Variants in BACH2 observed in about 807,000 individuals in gnomAD.
BACH2 encodes transcription regulator protein BACH2.
A neutral mutation model predicts 61.8 loss-of-function variants in BACH2; 5 were observed. The observed-to-expected ratio is 0.08, with a 90% CI of 0.04 to 0.17. BACH2 has a LOEUF of 0.17. Ranked by LOEUF, BACH2 falls within the 10% of genes least tolerant of loss-of-function variation. The probability of loss-of-function intolerance (pLI) is 1.00; values close to 1 mark genes in which losing one functional copy is unlikely to be tolerated. For synonymous variants in BACH2, 446 were observed against 440.1 expected, an observed-to-expected ratio of 1.01 and a Z score of -0.17; for missense variants, 824 against 1,091.1, an observed-to-expected ratio of 0.76 and a Z score of 3.45.
rs1776757598 is a variant in BACH2 at position 89,994,757 on chromosome 6, AC to A, written c.243+13844del. ...GATCTTCCTTCCCTTTCATCCACCT[AC>A]CCATTCAAATAACCCTTTCTTCATT... On this transcript the variant is annotated intron_variant, in intron 6 of 8. Transcript: ENST00000257749. Among the ~76,000 whole-genome samples, 6 of 152,272 alleles carry A rather than the reference AC, an allele frequency of 3.9e-5. No individual in the cohort carries two copies. In the South Asian group the frequency reaches 1.2e-3, roughly 32 times the overall value.
At chr6:89,963,085 T>C (rs1021661693) in intron 6 of BACH2, among the ~76,000 whole-genome samples, 2 of 152,176 alleles carry the variant, frequency 1.3e-5, no homozygotes, top group Non-Finnish European at 2.9e-5. Context: ...AGGACTTGAA[T>C]AGACGTTTCT....
At chr6:90,030,062 T>A (rs1390045380) in intron 5 of BACH2, among the ~76,000 whole-genome samples, 1 of 152,214 alleles carries the variant, frequency 6.6e-6, no homozygotes, top group Non-Finnish European at 1.5e-5. Context: ...ACATTGCCCA[T>A]TGGCTCTATA....
rs1272219316 is a variant in BACH2, at chr6:89,938,356, A to G, written c.1837-6T>C. ...ACAGGAAAAGGAAGTTTTACCTGAA[A>G]CCAAGAATAACAGAAAATGATTATG... On this transcript the variant is annotated splice_polypyrimidine_tract_variant and splice_region_variant and intron_variant, in intron 7 of 8. Transcript: ENST00000257749. The G allele has an allele frequency of 1.2e-6, 2 of 1,606,124 alleles. No individual in the cohort carries two copies. The highest frequency in any genetic ancestry group is 1.7e-6 in the Non-Finnish European group (2 of 1,173,206).
intron 3 of BACH2, among the ~76,000 whole-genome samples, chr6:90,220,572 T>G (rs924271772): frequency 2.6e-5 from 4 of 152,218 alleles, no homozygotes; most frequent in Non-Finnish European, 4.4e-5. Context: ...TTCCATGATC[T>G]GAAATAGGTG....
intron 1 of BACH2, 62 bp downstream of exon 1, chr6:90,296,418 C>G (rs914935151): frequency 2.7e-5 from 4 of 150,840 alleles, no homozygotes; most frequent in African/African-American, 7.3e-5. Context: ...CCGCTCCCCC[C>G]GCAAACTTGC....
At chr6:89,991,573 A>G (rs756346072) in intron 6 of BACH2, among the ~76,000 whole-genome samples, 11 of 152,212 alleles carry the variant, frequency 7.2e-5, no homozygotes, top group South Asian at 2.1e-4. Context: ...ACTTCTGCAT[A>G]TATCTCCTGA....
At chr6:90,189,346 C>T (rs557230979) in intron 4 of BACH2, among the ~76,000 whole-genome samples, 14 of 151,484 alleles carry the variant, frequency 9.2e-5, no homozygotes, top group South Asian at 6.3e-4. Context: ...CGGTGGCTCA[C>T]GCCTGTAATC....
chr6:90,138,589 TA>T (rs574488870), intron 4 of BACH2, among the ~76,000 whole-genome samples: 25 of 149,326 alleles, frequency 1.7e-4, no homozygotes, highest in East Asian at 1.2e-3. Context: ...GTCTTCTCCT[TA>T]AAAAAAAAAT....
chr6:90,103,081 A>G (rs1782748421), intron 4 of BACH2, among the ~76,000 whole-genome samples: 1 of 133,506 alleles, frequency 7.5e-6, no homozygotes, highest in African/African-American at 2.9e-5. Context: ...CAGGTTCAAA[A>G]ACTGATTTCT....
At chr6:90,222,006 CAAATAA>C (rs1263530526) in intron 3 of BACH2, among the ~76,000 whole-genome samples, 3 of 151,996 alleles carry the variant, frequency 2.0e-5, no homozygotes, top group South Asian at 2.1e-4. Flanking sequence ...CCACATTAAA[CAAATAA>C]AAAGAGAGAA....
At chr6:90,061,763 A>G (rs993310822) in intron 5 of BACH2, among the ~76,000 whole-genome samples, 4 of 152,272 alleles carry the variant, frequency 2.6e-5, no homozygotes, top group South Asian at 4.1e-4. Context: ...GGTTCCAGGA[A>G]GAAGGGAGTG....
At chr6:90,123,270 A>G (rs1373029644) in intron 4 of BACH2, among the ~76,000 whole-genome samples, 1 of 152,192 alleles carries the variant, frequency 6.6e-6, no homozygotes, top group African/African-American at 2.4e-5. Flanking sequence ...GCTGAGGAAC[A>G]CCTGGAGCCT....
chr6:90,092,315 TAC>T (rs1554244355), intron 4 of BACH2, among the ~76,000 whole-genome samples: 4 of 112,456 alleles, frequency 3.6e-5, no homozygotes, highest in African/African-American at 3.6e-5. Context: ...TATATATATA[TAC>T]ACACACACAC....
chr6:90,295,071 C>T (rs2127895779), intron 1 of BACH2, among the ~76,000 whole-genome samples: 1 of 152,294 alleles, frequency 6.6e-6, no homozygotes, highest in African/African-American at 2.4e-5. Flanking sequence ...AGGTGAAAAC[C>T]AGGAACGCCG....
chr6:90,174,894 T>G (rs565991646), intron 4 of BACH2, among the ~76,000 whole-genome samples: 9 of 151,328 alleles, frequency 5.9e-5, no homozygotes, highest in East Asian at 3.9e-4. Context: ...AAATTATATG[T>G]GGTACATATG....
intron 4 of BACH2, among the ~76,000 whole-genome samples, chr6:90,185,125 G>A (rs569301894): frequency 6.6e-6 from 1 of 152,290 alleles, no homozygotes; most frequent in East Asian, 1.9e-4. Context: ...TATGCATAGA[G>A]CCTGATAAGT....
At chr6:90,252,103 G>A (rs1203946288) in intron 3 of BACH2, among the ~76,000 whole-genome samples, 5 of 152,222 alleles carry the variant, frequency 3.3e-5, no homozygotes, top group African/African-American at 1.2e-4. Context: ...GGAGTAGCCA[G>A]CCTGAGCAAA....
chr6:90,231,266 C>T (rs536944475), intron 3 of BACH2, among the ~76,000 whole-genome samples: 6 of 152,276 alleles, frequency 3.9e-5, no homozygotes, highest in African/African-American at 1.4e-4. Flanking sequence ...TATGTGCATA[C>T]TTTTTATCTA....
intron 4 of BACH2, among the ~76,000 whole-genome samples, chr6:90,151,600 T>C (rs1261056685): frequency 1.3e-5 from 2 of 152,210 alleles, no homozygotes; most frequent in East Asian, 3.8e-4. Context: ...CTCTGCTATA[T>C]ATTTTAATTA....
Sources: allele counts gnomAD v4.1 joint callset (sites outside exome capture counted in the v4.1 genomes callset), GRCh38; gene constraint gnomAD v4.1.1; transcripts MANE v1.5; gene names NCBI Gene and HGNC (gene_info 2026-07-23, HGNC 2026-07-21).